Variants in TFR2 observed in about 807,000 individuals in gnomAD.
The protein encoded by TFR2 is transferrin receptor protein 2.
In TFR2, 64 loss-of-function variants were observed where a neutral mutation model predicts 91.9. That is an observed-to-expected ratio of 0.70 (90% CI 0.57 to 0.86). The LOEUF is 0.86. Ranked by LOEUF, TFR2 falls within the 40% of genes least tolerant of loss-of-function variation. The pLI is 0.00. For synonymous variants in TFR2, 454 were observed against 459.6 expected (o/e 0.99, Z 0.15); for missense variants, 950 against 1,080.5 (o/e 0.88, Z 1.69).
chr7:100,633,094 CCGCCCGT>C lies in TFR2; in HGVS notation c.749_755del (p.Tyr250CysfsTer26). On this transcript the variant is annotated frameshift_variant, in exon 6 of 18. Coordinates refer to ENST00000223051, the MANE Select transcript of TFR2 (RefSeq NM_003227.4). LOFTEE classifies it high-confidence loss of function. Reference sequence around the variant, plus strand: ...CCCGCAGGTCCTGCAGGTCTTCGGGCCGCCCGTAGTGGGCGTACACCAGCTCTCCCTG... The same window carrying C: ...CCCGCAGGTCCTGCAGGTCTTCGGGCAGTGGGCGTACACCAGCTCTCCCTG... 6.2e-7 allele frequency: 1 copy of C among 1,613,494 alleles called. No homozygotes were observed. The highest frequency in any genetic ancestry group is 8.5e-7 in the Non-Finnish European group (1 of 1,179,930).
At position 100,640,657 on chromosome 7, in the gene TFR2, A is replaced by C. The variant is rs201714629; in HGVS notation, c.473+29T>G. 111 of 1,607,526 alleles carry C rather than the reference A, an allele frequency of 6.9e-5. No individual in the cohort carries two copies. In the East Asian group the frequency reaches 1.5e-3, roughly 22 times the overall value. On this transcript the variant is annotated intron_variant, in intron 3 of 17. Coordinates refer to ENST00000223051, the MANE Select transcript of TFR2 (RefSeq NM_003227.4). ...GAGCGGATGAGGGGAGGGACACTCG[A>C]GAACAGGATGGGGCAGGGCCATCCC...
Position 100,626,756 on chromosome 7 carries a change from G to A in TFR2, c.2136+7C>T, listed in dbSNP as rs1584455372. ...CTGGGGGCGGGGCGAGGAGGGCGGGGCCTCACCCGCATTATGCGCACGTTG... is the reference window on the plus strand; with the variant it reads ...CTGGGGGCGGGGCGAGGAGGGCGGGACCTCACCCGCATTATGCGCACGTTG... On this transcript the variant is annotated splice_region_variant and intron_variant, in intron 17 of 17. Coordinates refer to ENST00000223051, the MANE Select transcript of TFR2 (RefSeq NM_003227.4). The A allele has an allele frequency of 1.9e-6, 3 of 1,541,976 alleles. No individual in the cohort carries two copies. Among genetic ancestry groups the A allele is most frequent in the Non-Finnish European group, 2.6e-6 (3 of 1,146,748 alleles).
rs2131318652 is a variant in TFR2 at position 100,632,081 on chromosome 7, C to G, written c.966+1G>C. The G allele has an allele frequency of 3.7e-6, 6 of 1,614,188 alleles. No homozygotes were observed. Among genetic ancestry groups the G allele is most frequent in the Non-Finnish European group, 4.2e-6 (5 of 1,180,022 alleles). On this transcript the variant is annotated splice_donor_variant, in intron 7 of 17. Transcript: ENST00000223051. LOFTEE classifies it high-confidence loss of function. ...AGCACGACCAGCCTCCCCAGACTCA[C>G]ATGTCCATACACTGCCTGCTGGCTG...
At position 100,640,964 on chromosome 7, in the gene TFR2, G is replaced by C; in HGVS notation, c.286+12C>G. 6.2e-7 allele frequency: 1 copy of C among 1,612,446 alleles called. No individual in the cohort carries two copies. The highest frequency in any genetic ancestry group is 1.1e-5 in the South Asian group (1 of 91,034). On this transcript the variant is annotated intron_variant, in intron 2 of 17. Transcript: ENST00000223051. ...CAAGCCCTTCACTTCTGGGGAGGGG[G>C]ACGGCTCTCACCCCCAGTGAAGATC...
At chr7:100,627,227 A>G (rs1174457925) in intron 16 of TFR2, 37 bp downstream of exon 16, 1 of 1,543,574 alleles carries the variant, frequency 6.5e-7, no homozygotes, top group Admixed American at 2.0e-5. Context: ...AGTGCCTCCC[A>G]CTCCCAGAGA....
intron 17 of TFR2, 109 bp from the exon 18 acceptor site, chr7:100,621,235 T>G: frequency 7.5e-7 from 1 of 1,325,138 alleles, no homozygotes; most frequent in Non-Finnish European, 1.0e-6. Context: ...TTGTTTGTTT[T>G]CTTTTTGTGT....
chr7:100,626,353 G>C lies in TFR2; in HGVS notation c.2136+410C>G, dbSNP rs374646439. ...AGAAGGAAAACAGCTCTCTTACTCT[G>C]AATATCTTTAGCCTTCTGCACTTCC... On this transcript the variant is annotated intron_variant, in intron 17 of 17. Coordinates refer to ENST00000223051, the MANE Select transcript of TFR2 (RefSeq NM_003227.4). The C allele has an allele frequency of 1.6e-5, 11 of 707,652 alleles. No homozygotes were observed. In the African/African-American group the frequency reaches 2.1e-4, roughly 14 times the overall value. The allele number at this position is 707,652 out of a possible 1,614,324, so 43.8% of individuals were successfully genotyped here.
At chr7:100,623,221 C>G (rs541591003) in intron 17 of TFR2, among the ~76,000 whole-genome samples, 1 of 152,194 alleles carries the variant, frequency 6.6e-6, no homozygotes, top group Non-Finnish European at 1.5e-5. Flanking sequence ...TGCAGCGAGC[C>G]GAGATCGTGC....
chr7:100,628,159 GA>G, intron 11 of TFR2, 23 bp from the exon 12 acceptor site: 1 of 1,614,058 alleles, frequency 6.2e-7, no homozygotes, highest in Non-Finnish European at 8.5e-7. Context: ...GACCAGTGTG[GA>G]GTGGGAACCC....
intron 17 of TFR2, chr7:100,626,392 C>A (rs1310810656): frequency 2.2e-6 from 2 of 920,352 alleles, no homozygotes; most frequent in Non-Finnish European, 2.6e-6. Flanking sequence ...CCTGTAACCT[C>A]GTATTGTGGA....
At chr7:100,633,690 C>G in intron 3 of TFR2, 134 bp from the exon 4 acceptor site, 8 of 1,126,990 alleles carry the variant, frequency 7.1e-6, no homozygotes, top group Non-Finnish European at 9.3e-6. Context: ...GAGCGCTCCC[C>G]GCGGACGCTT....
chr7:100,633,990 G>C (rs999353836), intron 3 of TFR2, among the ~76,000 whole-genome samples: 2 of 151,804 alleles, frequency 1.3e-5, no homozygotes, highest in African/African-American at 4.8e-5. Flanking sequence ...TTACAGGCGC[G>C]AGCCGCAGTG....
intron 3 of TFR2, among the ~76,000 whole-genome samples, chr7:100,638,148 T>C (rs529995897): frequency 0.014 from 2,058 of 151,990 alleles, 20 homozygotes; most frequent in Non-Finnish European, 0.021. Context: ...GGACTATAGG[T>C]GCCCGCCACC....
At chr7:100,635,102 C>T (rs1803550196) in intron 3 of TFR2, among the ~76,000 whole-genome samples, 3 of 151,886 alleles carry the variant, frequency 2.0e-5, no homozygotes, top group Admixed American at 2.0e-4. Flanking sequence ...CCACACTCAG[C>T]TAGTTTTGTA....
In TFR2 at chr7:100,621,997, A is replaced by ATC. The variant is rs564904771; in HGVS notation, c.2137-872_2137-871insGA. Among the ~76,000 whole-genome samples the ATC allele has an allele frequency of 8.7e-4, 132 of 152,214 alleles. No homozygotes were observed. The East Asian group carries it at 0.016, about 18-fold the overall frequency. On this transcript the variant is annotated intron_variant, in intron 17 of 17. Coordinates refer to ENST00000223051, the MANE Select transcript of TFR2 (RefSeq NM_003227.4). ...CATTGCCTGGGCACCGCCCCAGTAA[A>ATC]ATCAGAATCTCTAGGGGGTGATCTC...
chr7:100,636,479 A>G (rs2131323916), intron 3 of TFR2, among the ~76,000 whole-genome samples: 2 of 149,248 alleles, frequency 1.3e-5, no homozygotes, highest in Middle Eastern at 3.4e-3. Context: ...CCTGGCCCGT[A>G]TCCTGCATCT....
chr7:100,636,170 C>CTTTTT (rs10584926), intron 3 of TFR2, among the ~76,000 whole-genome samples: 1 of 85,712 alleles, frequency 1.2e-5, no homozygotes, highest in Non-Finnish European at 2.1e-5. Flanking sequence ...CACCCTGCAT[C>CTTTTT]TTTTTTTTTT....
rs758433785 is a variant in TFR2 at position 100,641,174 on chromosome 7, G to C, written c.88C>G (p.Arg30Gly). 2 of 1,526,660 alleles carry C rather than the reference G, an allele frequency of 1.3e-6. No individual in the cohort carries two copies. Among genetic ancestry groups the C allele is most frequent in the Non-Finnish European group, 1.8e-6 (2 of 1,136,072 alleles). 94.6% of individuals were successfully genotyped at this position (1,526,660 alleles called of 1,614,324 possible). The change falls in exon 2 of 18, where the codon CGG becomes GGG. Residue 30 changes from arginine (R) to glycine (G), a missense_variant. Arg to Gly is a moderately radical substitution (Grantham distance 125). Transcript: ENST00000223051. The stretch of plus-strand genomic sequence containing the variant: ...TCTTCCTCCTCCAGGTGCCCTTTCC[G>C]GGGGCCTTCCACACGCTGGTAGACG... ...QTVYQRVEGP[R>G]KGHLEEEEED...
Position 100,626,792 on chromosome 7 carries a change from T to C in TFR2, c.2107A>G (p.Thr703Ala). The change falls in exon 17 of 18, where the codon ACA becomes GCA. Residue 703 changes from threonine (T) to alanine (A), a missense_variant. Physicochemically the swap from Thr to Ala is moderately conservative, Grantham distance 58. Coordinates refer to ENST00000223051, the MANE Select transcript of TFR2 (RefSeq NM_003227.4). ...YSSEERDERL[T>A]RMYNVRIMRV... ...ATTATGCGCACGTTGTACATGCGTG[T>C]CAGTCGCTCGTCTCTCTCCTCCGAG... The C allele has an allele frequency of 6.5e-7, 1 of 1,547,966 alleles. No individual in the cohort carries two copies. The highest frequency in any genetic ancestry group is 8.7e-7 in the Non-Finnish European group (1 of 1,146,890).
Sources: gnomAD v4.1 joint callset for allele counts (sites outside exome capture counted in the v4.1 genomes callset) on GRCh38, gnomAD v4.1.1 for gene constraint, MANE v1.5 for transcripts, NCBI Gene and HGNC (gene_info 2026-07-23, HGNC 2026-07-21) for gene names.